AQR: variants seen among roughly 807,000 people sequenced by gnomAD.
The protein encoded by AQR is RNA helicase aquarius.
Under a neutral mutation model 180.5 loss-of-function variants are expected in AQR, and 61 were observed. The observed-to-expected ratio is 0.34, with a 90% CI of 0.28 to 0.42. The LOEUF (loss-of-function observed/expected upper bound fraction) is 0.42. Among genes scored for constraint, AQR ranks in the 10% least tolerant of loss-of-function variants. The probability of loss-of-function intolerance (pLI) is 1.00; values close to 1 mark genes in which losing one functional copy is unlikely to be tolerated. For synonymous variants in AQR, 551 were observed against 588.8 expected, an observed-to-expected ratio of 0.94 and a Z score of 0.93; for missense variants, 1,281 against 1,798.3, an observed-to-expected ratio of 0.71 and a Z score of 5.20.
intron 6 of AQR, among the ~76,000 whole-genome samples, chr15:34,944,042 G>T (rs1232056665): frequency 6.6e-6 from 1 of 152,094 alleles, no homozygotes; most frequent in African/African-American, 2.4e-5. Context: ...TTTCTTAAGA[G>T]TCTAGATAGA....
At chr15:34,931,027 G>A (rs1033258724) in intron 11 of AQR, among the ~76,000 whole-genome samples, 1 of 151,902 alleles carries the variant, frequency 6.6e-6, no homozygotes, top group African/African-American at 2.4e-5. Flanking sequence ...TAGTAGAGAC[G>A]GGGTTTCACC....
At chr15:34,910,395 G>T (rs990506745) in intron 16 of AQR, 82 bp from the exon 17 acceptor site, 4 of 1,444,318 alleles carry the variant, frequency 2.8e-6, no homozygotes, top group Non-Finnish European at 3.8e-6. Context: ...TAGTAAGTAG[G>T]AATACTGTTC....
intron 16 of AQR, among the ~76,000 whole-genome samples, chr15:34,912,005 G>C (rs1893507752): frequency 1.3e-5 from 2 of 152,000 alleles, no homozygotes; most frequent in Non-Finnish European, 2.9e-5. Context: ...TTTTTTACAA[G>C]TAGATATCTA....
intron 32 of AQR, among the ~76,000 whole-genome samples, chr15:34,866,598 G>C (rs1892740876): frequency 6.6e-6 from 1 of 152,040 alleles, no homozygotes; most frequent in African/African-American, 2.4e-5. Context: ...GGCGGAAGGA[G>C]TATTCATATA....
chr15:34,955,974 T>C (rs1325343035), intron 3 of AQR, among the ~76,000 whole-genome samples: 1 of 151,988 alleles, frequency 6.6e-6, no homozygotes, highest in East Asian at 1.9e-4. Flanking sequence ...ATTTATTTAT[T>C]TAAAGTTGAA....
chr15:34,861,481 T>A (rs1303223371), intron 33 of AQR, among the ~76,000 whole-genome samples: 1 of 152,066 alleles, frequency 6.6e-6, no homozygotes, highest in Admixed American at 6.6e-5. Context: ...AACTCATGAG[T>A]GTTATCTAAA....
At chr15:34,964,562 C>T in intron 1 of AQR, 1 of 503,648 alleles carries the variant, frequency 2.0e-6, no homozygotes, top group Admixed American at 2.8e-5. Context: ...AACAATACAG[C>T]TCAGTTAATA....
At chr15:34,956,874 T>C (rs1186413397) in intron 3 of AQR, among the ~76,000 whole-genome samples, 2 of 152,148 alleles carry the variant, frequency 1.3e-5, no homozygotes, top group Non-Finnish European at 2.9e-5. Flanking sequence ...GCTAGATGCT[T>C]AGAGCAGAAT....
chr15:34,915,272 C>G, intron 15 of AQR, 93 bp from the exon 16 acceptor site: 1 of 1,212,124 alleles, frequency 8.2e-7, no homozygotes, highest in Non-Finnish European at 1.1e-6. Context: ...CTCACTGCAA[C>G]CTCCGCCTCC....
In AQR at chr15:34,910,185, T is replaced by C; in HGVS notation, c.1613A>G (p.Asp538Gly). 1 of 1,614,236 alleles carries C rather than the reference T, an allele frequency of 6.2e-7. No individual in the cohort carries two copies. Among genetic ancestry groups the C allele is most frequent in the Non-Finnish European group, 8.5e-7 (1 of 1,180,044 alleles). Reference protein sequence around the residue: ...GENWPTRVRADVTINLNVRDH... With the variant: ...GENWPTRVRAGVTINLNVRDH... ...TCTGACATTGAGATTTATGGTAACATCTGCACGAACTCGGGTTGGCCAGTT... is the reference window on the plus strand; with the variant it reads ...TCTGACATTGAGATTTATGGTAACACCTGCACGAACTCGGGTTGGCCAGTT... Residue 538 changes from aspartate (D) to glycine (G), a missense_variant, in exon 17 of 35, where the codon GAT becomes GGT. Physicochemically the swap from Asp to Gly is moderately conservative, Grantham distance 94. Around this residue, in one of 9 missense-constraint regions of AQR, gnomAD observed 200 missense variants for 293.4 expected, o/e 0.68. Transcript: ENST00000156471.
chr15:34,927,474 G>A (rs1050768234), intron 12 of AQR, among the ~76,000 whole-genome samples: 8 of 152,182 alleles, frequency 5.3e-5, no homozygotes, highest in African/African-American at 1.7e-4. Context: ...AGAACTGGTC[G>A]AACAAGACTA....
chr15:34,946,684 G>A (rs1465509787), intron 5 of AQR, among the ~76,000 whole-genome samples: 1 of 109,944 alleles, frequency 9.1e-6, no homozygotes, highest in Non-Finnish European at 1.9e-5. Flanking sequence ...TGCCCGGCCA[G>A]CCGCCCGTCC....
In AQR at chr15:34,851,794, A is replaced by T. The variant is rs1892515777; in HGVS notation, c.*4998T>A. On this transcript the variant is annotated 3_prime_UTR_variant, in exon 35 of 35. Transcript: ENST00000156471. ...AAAGCCAGACACATTGGAAATACAAACTCTTCTTTTACTGCATAAGAAATG... is the reference window on the plus strand; with the variant it reads ...AAAGCCAGACACATTGGAAATACAATCTCTTCTTTTACTGCATAAGAAATG... The T allele has an allele frequency of 6.6e-6, 1 of 152,198 alleles. No individual in the cohort carries two copies. The highest frequency in any genetic ancestry group is 1.5e-5 in the Non-Finnish European group (1 of 68,030). 9.4% of individuals were successfully genotyped at this position (152,198 alleles called of 1,614,324 possible).
chr15:34,910,030 A>T lies in AQR; in HGVS notation c.1663+105T>A, dbSNP rs188176443. 7 of 1,311,402 alleles carry T rather than the reference A, an allele frequency of 5.3e-6. No individual in the cohort carries two copies. In the East Asian group the frequency reaches 1.6e-4, roughly 31 times the overall value. The allele number at this position is 1,311,402 out of a possible 1,614,324, so 81.2% of individuals were successfully genotyped here. On this transcript the variant is annotated intron_variant, in intron 17 of 34. Transcript: ENST00000156471. ...TCAAATTTCAAGGATAACGCTTAAT[A>T]AAAGCTTTAAAGGATAACATTTAGT...
At chr15:34,880,244 G>A (rs916108709) in intron 27 of AQR, among the ~76,000 whole-genome samples, 2 of 152,184 alleles carry the variant, frequency 1.3e-5, no homozygotes, top group Non-Finnish European at 2.9e-5. Flanking sequence ...GACATGGAAA[G>A]TCTTAAAAAT....
intron 27 of AQR, among the ~76,000 whole-genome samples, chr15:34,877,315 C>T (rs1385409630): frequency 1.3e-5 from 2 of 152,132 alleles, no homozygotes; most frequent in Non-Finnish European, 2.9e-5. Flanking sequence ...AGTTCTGTTG[C>T]TTTCTGTTTT....
At chr15:34,948,079 G>A (rs372585539) in intron 5 of AQR, 185 bp downstream of exon 5, 345 of 536,488 alleles carry the variant, frequency 6.4e-4, no homozygotes, top group Non-Finnish European at 9.2e-4. Context: ...TTATTAAATC[G>A]TTTGAAGAAA....
Position 34,934,594 on chromosome 15 carries a change from T to C in AQR, c.760A>G (p.Ile254Val), listed in dbSNP as rs955218999. 1.3e-5 allele frequency: 21 copies of C among 1,592,792 alleles called. No individual in the cohort carries two copies. The highest frequency in any genetic ancestry group is 1.8e-5 in the Admixed American group (1 of 54,996). Residue 254 changes from isoleucine to valine, a missense_variant, in exon 10 of 35, where the codon ATT becomes GTT. By Grantham distance (29) the Ile-to-Val change is conservative. Around this residue, in one of 9 missense-constraint regions of AQR, gnomAD observed 404 missense variants for 490.9 expected, o/e 0.82. Coordinates refer to ENST00000156471, the MANE Select transcript of AQR (RefSeq NM_014691.3). ...ACCTCTAGATCAATCATAAGTTCAA[T>C]GAATCTTTCACAGTAATGAACTTTG... ...MDKVHYCERFIELMIDLEALL... is the reference protein window; with the variant it reads ...MDKVHYCERFVELMIDLEALL...
At chr15:34,858,568 G>A (rs1892624779) in intron 34 of AQR, among the ~76,000 whole-genome samples, 1 of 152,100 alleles carries the variant, frequency 6.6e-6, no homozygotes, top group African/African-American at 2.4e-5. Flanking sequence ...CATGCTTTTG[G>A]GGGTAGAAAC....
Sources: allele counts gnomAD v4.1 joint callset (sites outside exome capture counted in the v4.1 genomes callset), GRCh38; gene constraint gnomAD v4.1.1; regional missense constraint gnomAD v4.1.1; transcripts MANE v1.5; gene names NCBI Gene and HGNC (gene_info 2026-07-23, HGNC 2026-07-21).